The following PTPRK variants were observed in gnomAD, a reference collection of about 807,000 sequenced individuals.
The protein encoded by PTPRK is protein tyrosine phosphatase receptor type K, also known as receptor-type tyrosine-protein phosphatase kappa.
Under a neutral mutation model 178.0 loss-of-function variants are expected in PTPRK, and 75 were observed. The ratio of observed to expected loss-of-function variants is 0.42; its 90% CI spans 0.35 to 0.51. The LOEUF is 0.51. PTPRK is among the 20% of genes least tolerant of loss of function. The pLI is 0.02. For missense variants in PTPRK, 1,441 were observed against 1,797.8 expected, an observed-to-expected ratio of 0.80 and a Z score of 3.59; for synonymous variants, 637 against 620.6, an observed-to-expected ratio of 1.03 and a Z score of -0.39.
chr6:128,322,318 G>T lies in PTPRK; in HGVS notation c.224-8C>A. On this transcript the variant is annotated splice_region_variant and splice_polypyrimidine_tract_variant and intron_variant, in intron 2 of 29. Coordinates refer to ENST00000368226, the MANE Select transcript of PTPRK (RefSeq NM_002844.4). ...CCACTATCATATAGGAACCTGAAAT[G>T]ACATTACAAATAATAATGCTAAAGA... 6.4e-7 allele frequency: 1 copy of T among 1,552,642 alleles called. No individual in the cohort carries two copies. Among genetic ancestry groups the T allele is most frequent in the South Asian group, 1.1e-5 (1 of 88,842 alleles).
At chr6:128,405,041 CAT>C (rs1841492335) in intron 1 of PTPRK, among the ~76,000 whole-genome samples, 1 of 152,176 alleles carries the variant, frequency 6.6e-6, no homozygotes, top group Admixed American at 6.5e-5. Flanking sequence ...TGAGAATAGA[CAT>C]GTGGTAAACT....
intron 8 of PTPRK, among the ~76,000 whole-genome samples, chr6:128,089,122 C>T (rs899949542): frequency 6.6e-6 from 1 of 152,090 alleles, no homozygotes; most frequent in African/African-American, 2.4e-5. Flanking sequence ...GCCACCACAC[C>T]CAGTTAATTT....
chr6:128,441,694 C>T (rs1474756499), intron 1 of PTPRK, among the ~76,000 whole-genome samples: 1 of 152,154 alleles, frequency 6.6e-6, no homozygotes, highest in South Asian at 2.1e-4. Flanking sequence ...CAAGGATTCA[C>T]AAGATGGATT....
chr6:128,460,022 C>G (rs1408443328), intron 1 of PTPRK, among the ~76,000 whole-genome samples: 2 of 152,058 alleles, frequency 1.3e-5, no homozygotes, highest in East Asian at 3.9e-4. Context: ...CATGAGAACT[C>G]TACCAGGAGA....
intron 7 of PTPRK, among the ~76,000 whole-genome samples, chr6:128,157,750 G>A (rs1041901684): frequency 7.2e-5 from 11 of 151,980 alleles, no homozygotes; most frequent in Non-Finnish European, 1.6e-4. Context: ...TTTGAGAAGC[G>A]TCTGTTCATA....
At chr6:128,158,858 C>T (rs1289744671) in intron 7 of PTPRK, among the ~76,000 whole-genome samples, 4 of 151,836 alleles carry the variant, frequency 2.6e-5, no homozygotes, top group Non-Finnish European at 5.9e-5. Context: ...AATTCCTCTA[C>T]TTTACTCCTA....
intron 6 of PTPRK, among the ~76,000 whole-genome samples, chr6:128,189,235 C>CTTT (rs71028115): frequency 8.2e-4 from 55 of 67,446 alleles, no homozygotes; most frequent in Admixed American, 1.2e-3. Flanking sequence ...TACTCTTTTT[C>CTTT]TTTTTTTTTT....
chr6:127,987,138 T>G (rs1372080327), intron 21 of PTPRK, among the ~76,000 whole-genome samples: 1 of 152,112 alleles, frequency 6.6e-6, no homozygotes, highest in Non-Finnish European at 1.5e-5. Context: ...TTCTATTACA[T>G]GTATAGGGTT....
chr6:128,514,370 A>ATGTGTGTGTGTGTG lies in PTPRK; in HGVS notation c.100+5875_100+5888dup, dbSNP rs146438569. ...ACAACTAAGTCCTAGCATTGTTAAGATGTGTGTGTGTGTGTGTGTGTGTGT... is the reference window on the plus strand; with the variant it reads ...ACAACTAAGTCCTAGCATTGTTAAGATGTGTGTGTGTGTGTGTGTGTGTGTGTGTGTGTGTGTGT... On this transcript the variant is annotated intron_variant, in intron 1 of 29. Coordinates refer to ENST00000368226, the MANE Select transcript of PTPRK (RefSeq NM_002844.4). Among the ~76,000 whole-genome samples, 429 of 148,366 alleles carry ATGTGTGTGTGTGTG rather than the reference A, an allele frequency of 2.9e-3. 2 individuals are homozygous for ATGTGTGTGTGTGTG. Among genetic ancestry groups the ATGTGTGTGTGTGTG allele is most frequent in the Non-Finnish European group, 4.4e-3 (294 of 66,660 alleles).
intron 7 of PTPRK, among the ~76,000 whole-genome samples, chr6:128,155,660 T>G (rs983503046): frequency 6.6e-6 from 1 of 151,886 alleles, no homozygotes; most frequent in Admixed American, 6.6e-5. Flanking sequence ...AAATATATTT[T>G]ATGTGATTCA....
intron 7 of PTPRK, among the ~76,000 whole-genome samples, chr6:128,106,904 A>AT (rs1264487172): frequency 2.6e-5 from 4 of 152,102 alleles, no homozygotes; most frequent in African/African-American, 9.7e-5. Context: ...ATATTTTAGT[A>AT]TTTTTTTGTA....
At chr6:128,003,086 A>G (rs1778021683) in intron 15 of PTPRK, 1 of 1,062,504 alleles carries the variant, frequency 9.4e-7, no homozygotes, top group Non-Finnish European at 1.4e-6. Context: ...ATGGCTGTCT[A>G]TTTTCAAAAT....
chr6:128,425,211 G>A (rs1486701923), intron 1 of PTPRK, among the ~76,000 whole-genome samples: 1 of 151,782 alleles, frequency 6.6e-6, no homozygotes, highest in African/African-American at 2.4e-5. Flanking sequence ...CTGAGTAGCT[G>A]GGACTATAGG....
At chr6:128,512,015 C>T (rs1857266788) in intron 1 of PTPRK, among the ~76,000 whole-genome samples, 1 of 152,062 alleles carries the variant, frequency 6.6e-6, no homozygotes. Context: ...ATAAATGAAC[C>T]TAATTATTGC....
intron 3 of PTPRK, among the ~76,000 whole-genome samples, chr6:128,316,709 CTTT>C (rs11296650): frequency 3.8e-4 from 51 of 133,444 alleles, no homozygotes; most frequent in Non-Finnish European, 4.8e-4. Flanking sequence ...TAAGCTTTTT[CTTT>C]TTTTTTTTTT....
chr6:128,117,816 C>A (rs1481825157), intron 7 of PTPRK, among the ~76,000 whole-genome samples: 3 of 152,022 alleles, frequency 2.0e-5, no homozygotes, highest in Admixed American at 1.3e-4. Context: ...CCATGCCCAG[C>A]TAAGTTTTGA....
At chr6:127,970,625 TAAAG>T (rs1005531010) in intron 29 of PTPRK, among the ~76,000 whole-genome samples, 6 of 152,012 alleles carry the variant, frequency 3.9e-5, no homozygotes, top group Non-Finnish European at 8.8e-5. Context: ...TGAACAAACA[TAAAG>T]AATGAGAAAA....
At chr6:128,388,471 T>C (rs551929426) in intron 2 of PTPRK, among the ~76,000 whole-genome samples, 4 of 152,280 alleles carry the variant, frequency 2.6e-5, no homozygotes, top group African/African-American at 9.6e-5. Context: ...TTAAACACAT[T>C]TGTAGTTGTG....
chr6:128,416,935 T>C (rs1842921511), intron 1 of PTPRK, among the ~76,000 whole-genome samples: 1 of 148,830 alleles, frequency 6.7e-6, no homozygotes, highest in African/African-American at 2.4e-5. Flanking sequence ...ACACATAATT[T>C]TATGGATATA....
Sources: allele counts gnomAD v4.1 joint callset (sites outside exome capture counted in the v4.1 genomes callset), GRCh38; gene constraint gnomAD v4.1.1; transcripts MANE v1.5; gene names NCBI Gene and HGNC (gene_info 2026-07-23, HGNC 2026-07-21).